The following RIN3 variants were observed in gnomAD, a reference collection of about 807,000 sequenced individuals.
RIN3 encodes the protein Ras and Rab interactor 3, also known as RAB5 interacting protein 3.
RIN3 carries 54 observed loss-of-function variants against 76.3 expected under a neutral mutation model. The observed-to-expected ratio is 0.71, with a 90% CI of 0.57 to 0.89. The LOEUF (loss-of-function observed/expected upper bound fraction) is 0.89. Among genes scored for constraint, RIN3 ranks in the 40% least tolerant of loss-of-function variants. The pLI is 0.00. For missense variants in RIN3, 1,256 were observed against 1,322.1 expected (o/e 0.95, Z 0.78); for synonymous variants, 576 against 564.0 (o/e 1.02, Z -0.30).
At chr14:92,644,294 C>T (rs1447317425) in intron 5 of RIN3, 1 of 152,202 alleles carries the variant, frequency 6.6e-6, no homozygotes, top group Admixed American at 6.5e-5. Flanking sequence ...ATTGCTGCAC[C>T]TCTTGACCCC....
intron 1 of RIN3, among the ~76,000 whole-genome samples, chr14:92,548,070 T>G (rs1044260435): frequency 1.3e-5 from 2 of 152,230 alleles, no homozygotes; most frequent in African/African-American, 4.8e-5. Context: ...ACAAACCCCC[T>G]TAACGTCTCT....
chr14:92,581,222 G>A lies in RIN3; in HGVS notation c.367+3745G>A, dbSNP rs115252169. On this transcript the variant is annotated intron_variant, in intron 3 of 9. Transcript: ENST00000216487. The stretch of plus-strand genomic sequence containing the variant: ...GTGCTCCTGGGGTCACACAGCCCCC[G>A]GCTGTGCTTATGGTCTCCTGGGAGA... 4.8e-3 allele frequency among the ~76,000 whole-genome samples: 730 copies of A among 152,248 alleles called. 4 individuals carry two copies. The highest frequency in any genetic ancestry group is 0.017 in the African/African-American group (699 of 41,542).
rs1325253518 is a variant in RIN3, at chr14:92,652,594, C to T, written c.1545C>T (p.Ala515=). 15 of 1,611,582 alleles carry T rather than the reference C, an allele frequency of 9.3e-6. No homozygotes were observed. The highest frequency in any genetic ancestry group is 1.2e-5 in the Non-Finnish European group (14 of 1,179,870). ...AGGCTGGGACTCAGCACCCTCCTGC[C>T]CAGGCCACTGCCCATTCCCAGAGCT... is the stretch of plus-strand genomic sequence containing the variant. ...ASQAGTQHPP[A]QATAHSQSSP... Residue 515 remains alanine (A), a synonymous_variant, in exon 6 of 10, where the codon GCC becomes GCT. Transcript: ENST00000216487. This position sits in a 1 kb window ranked among gnomAD's most constrained non-coding sequence, Gnocchi z 6.4.
chr14:92,588,303 C>G (rs1399694148), intron 3 of RIN3, among the ~76,000 whole-genome samples: 1 of 138,300 alleles, frequency 7.2e-6, no homozygotes, highest in Non-Finnish European at 1.5e-5. Flanking sequence ...TCTCTGCTCA[C>G]TGCAACTTCC....
intron 3 of RIN3, among the ~76,000 whole-genome samples, chr14:92,606,270 G>A (rs1027297822): frequency 6.6e-6 from 1 of 152,082 alleles, no homozygotes; most frequent in Non-Finnish European, 1.5e-5. Flanking sequence ...CAGGTGCAGT[G>A]GCTTATACCT....
At chr14:92,616,091 A>G (rs1227088510) in intron 4 of RIN3, 1 of 152,374 alleles carries the variant, frequency 6.6e-6, no homozygotes, top group East Asian at 1.9e-4. Flanking sequence ...GAAGAAAACC[A>G]TGCTCAACCT....
chr14:92,651,753 T>C lies in RIN3; in HGVS notation c.704T>C (p.Val235Ala). ...GTAGGAAATGACCGCCTGTGGTTTGTGAATCCTATTTTCATCGAGGACTGC... is the reference window on the plus strand; with the variant it reads ...GTAGGAAATGACCGCCTGTGGTTTGCGAATCCTATTTTCATCGAGGACTGC... ...LSVGNDRLWF[V>A]NPIFIEDCSS... The change falls in exon 6 of 10, where the codon GTG becomes GCG. Residue 235 changes from valine to alanine, a missense_variant. Physicochemically the swap from Val to Ala is moderately conservative, Grantham distance 64. Coordinates refer to ENST00000216487, the MANE Select transcript of RIN3 (RefSeq NM_024832.5). 6.2e-7 allele frequency: 1 copy of C among 1,613,996 alleles called. No homozygotes were observed. The highest frequency in any genetic ancestry group is 8.5e-7 in the Non-Finnish European group (1 of 1,179,974).
rs1314534855 is a variant in RIN3, at chr14:92,685,050, C to T, written c.2531C>T (p.Thr844Met). ...LEHIKSYDKI[T>M]VTRQLSVEVQ... ...CACATCAAGAGCTACGACAAGATCA[C>T]GGTGACCCGGCAGCTGAGTGTGGAG... The change falls in exon 9 of 10, where the codon ACG becomes ATG. Residue 844 changes from threonine to methionine, a missense_variant. This residue lies in a region of RIN3 where 428 missense variants were observed against 521.2 expected (regional missense o/e 0.82). Coordinates refer to ENST00000216487, the MANE Select transcript of RIN3 (RefSeq NM_024832.5). This position sits in a 1 kb window ranked among gnomAD's most constrained non-coding sequence, Gnocchi z 4.7. 1.9e-6 allele frequency: 3 copies of T among 1,613,914 alleles called. No homozygotes were observed. Among genetic ancestry groups the T allele is most frequent in the Non-Finnish European group, 2.5e-6 (3 of 1,179,974 alleles).
In RIN3 at chr14:92,653,033, A is replaced by C. The variant is rs530349724; in HGVS notation, c.1984A>C (p.Lys662Gln). Residue 662 changes from lysine to glutamine, a missense_variant, in exon 6 of 10, where the codon AAG becomes CAG. Physicochemically the swap from Lys to Gln is moderately conservative, Grantham distance 53. Around this residue, in one of 3 missense-constraint regions of RIN3, gnomAD observed 428 missense variants for 521.2 expected, o/e 0.82. Transcript: ENST00000216487. ...KSYLLQSTEL[K>Q]ALVDPALHSE... is the part of the protein sequence containing the mutation. ...CTACCTGCTGCAGAGCACCGAGCTC[A>C]AGGCCCTGGTGGACCCCGCCCTGCA... 5 of 1,609,704 alleles carry C rather than the reference A, an allele frequency of 3.1e-6. No individual in the cohort carries two copies. The highest frequency in any genetic ancestry group is 1.6e-4 in the Middle Eastern group (1 of 6,062).
At chr14:92,554,623 A>G (rs530483867) in intron 1 of RIN3, among the ~76,000 whole-genome samples, 115 of 152,366 alleles carry the variant, frequency 7.5e-4, no homozygotes, top group Non-Finnish European at 1.5e-3. Context: ...AACCTGACAC[A>G]TTTAAAATAT....
chr14:92,627,213 A>G (rs114112222), intron 4 of RIN3, among the ~76,000 whole-genome samples: 107 of 152,176 alleles, frequency 7.0e-4, no homozygotes, highest in African/African-American at 2.5e-3. Context: ...GTGTGGCCCA[A>G]TCTCTCTTAC....
chr14:92,536,146 G>C (rs992959590), intron 1 of RIN3, among the ~76,000 whole-genome samples: 10 of 152,096 alleles, frequency 6.6e-5, no homozygotes, highest in Non-Finnish European at 1.5e-4. Context: ...CATAAGCCTT[G>C]ATATCCTGCA....
At chr14:92,615,733 T>C in intron 4 of RIN3, 1 of 494,134 alleles carries the variant, frequency 2.0e-6, no homozygotes, top group Non-Finnish European at 3.7e-6. Flanking sequence ...CAGCTTCCTG[T>C]ATCATCAGCT....
chr14:92,615,411 G>A lies in RIN3; in HGVS notation c.372G>A (p.Leu124=). 4 of 1,613,958 alleles carry A rather than the reference G, an allele frequency of 2.5e-6. No homozygotes were observed. The highest frequency in any genetic ancestry group is 3.4e-6 in the Non-Finnish European group (4 of 1,179,930). ...GCCCTTCTTGTGTCTCCCCAGTATT[G>A]TACCTGGAAGGCTCGGCTCTTGTGT... The part of the protein sequence containing the change: ...EYTIKEEKSI[L]YLEGSALVFE... The change falls in exon 4 of 10, where the codon TTG becomes TTA. Residue 124 remains leucine (L), a synonymous_variant. Transcript: ENST00000216487.
At chr14:92,647,621 C>T (rs561201834) in intron 5 of RIN3, among the ~76,000 whole-genome samples, 1 of 152,256 alleles carries the variant, frequency 6.6e-6, no homozygotes, top group Admixed American at 6.5e-5. Flanking sequence ...GTGTAACAGC[C>T]TCTGTCTTTG....
At chr14:92,673,181 A>T (rs1490967962) in intron 7 of RIN3, among the ~76,000 whole-genome samples, 2 of 152,152 alleles carry the variant, frequency 1.3e-5, no homozygotes, top group Non-Finnish European at 2.9e-5. Context: ...AAAATGAACA[A>T]ATATCAATAT....
chr14:92,651,629 G>A lies in RIN3; in HGVS notation c.580G>A (p.Ala194Thr). Residue 194 changes from alanine (A) to threonine (T), a missense_variant, in exon 6 of 10, where the codon GCA becomes ACA. Physicochemically the swap from Ala to Thr is moderately conservative, Grantham distance 58. This residue lies in a region of RIN3 where 610 missense variants were observed against 626.4 expected (regional missense o/e 0.97). Transcript: ENST00000216487. ...TCCTCCACAAGAAAGAGGGAAGCCA[G>A]CAGAGCCCCCAAGAGACCGGGCCCC... is the stretch of plus-strand genomic sequence containing the variant. ...LNPPQERGKP[A>T]EPPRDRAPGF... The A allele has an allele frequency of 6.2e-7, 1 of 1,612,040 alleles. No homozygotes were observed. Among genetic ancestry groups the A allele is most frequent in the Non-Finnish European group, 8.5e-7 (1 of 1,178,876 alleles).
intron 3 of RIN3, among the ~76,000 whole-genome samples, chr14:92,607,932 CT>C (rs1341384399): frequency 6.6e-6 from 1 of 152,158 alleles, no homozygotes; most frequent in Non-Finnish European, 1.5e-5. Context: ...AAGATATATA[CT>C]TTGTGATTCA....
chr14:92,529,113 C>A (rs1209830779), intron 1 of RIN3, among the ~76,000 whole-genome samples: 1 of 152,176 alleles, frequency 6.6e-6, no homozygotes, highest in Non-Finnish European at 1.5e-5. Context: ...AGATAGGGTT[C>A]ATATCCAGGT....
Sources: allele counts gnomAD v4.1 joint callset (sites outside exome capture counted in the v4.1 genomes callset), GRCh38; gene constraint gnomAD v4.1.1; regional missense constraint gnomAD v4.1.1; non-coding constraint Gnocchi (gnomAD v3.1); transcripts MANE v1.5; gene names NCBI Gene and HGNC (gene_info 2026-07-23, HGNC 2026-07-21).